Variants in AGBL4 observed in about 807,000 individuals in gnomAD.
The protein encoded by AGBL4 is cytosolic carboxypeptidase 6.
AGBL4 carries 58 observed loss-of-function variants against 66.4 expected under a neutral mutation model. The observed-to-expected ratio is 0.87, with a 90% confidence interval of 0.71 to 1.09. The LOEUF (loss-of-function observed/expected upper bound fraction) is 1.09. Ranked by LOEUF, AGBL4 falls within the 50% of genes least tolerant of loss-of-function variation. AGBL4 has a pLI of 0.00. For synonymous variants in AGBL4, 234 were observed against 222.9 expected (o/e 1.05, Z -0.44); for missense variants, 579 against 631.0 (o/e 0.92, Z 0.88).
At chr1:49,943,999 T>C (rs998332757) in intron 1 of AGBL4, among the ~76,000 whole-genome samples, 2 of 151,918 alleles carry the variant, frequency 1.3e-5, no homozygotes, top group Admixed American at 1.3e-4. Context: ...CATAACTCCA[T>C]AGACCTGGGA....
chr1:48,992,645 A>C (rs1249814173), intron 5 of AGBL4, among the ~76,000 whole-genome samples: 4 of 152,014 alleles, frequency 2.6e-5, no homozygotes, highest in Admixed American at 2.6e-4. Flanking sequence ...GATATCTTAG[A>C]AATCTACTTG....
rs182818381 is a variant in AGBL4, at chr1:49,942,597, C to T, written c.34+81166G>A. Among the ~76,000 whole-genome samples, 151 of 152,198 alleles carry T rather than the reference C, an allele frequency of 9.9e-4. 1 individual carries two copies. The highest frequency in any genetic ancestry group is 1.3e-3 in the Non-Finnish European group (90 of 67,972). ...TACCATAATAAAATAACAGTTTCTT[C>T]AATAAATAGTGTTGGAAAGATTGTC... On this transcript the variant is annotated intron_variant, in intron 1 of 13. Transcript: ENST00000371839.
intron 3 of AGBL4, among the ~76,000 whole-genome samples, chr1:49,509,710 T>C (rs866022082): frequency 2.6e-5 from 4 of 152,014 alleles, no homozygotes; most frequent in Admixed American, 6.6e-5. Flanking sequence ...CTGCCTTAAA[T>C]TGAATCTCAA....
At chr1:49,775,525 G>T (rs1410635372) in intron 2 of AGBL4, among the ~76,000 whole-genome samples, 1 of 151,638 alleles carries the variant, frequency 6.6e-6, no homozygotes, top group African/African-American at 2.4e-5. Flanking sequence ...TATTTATTTT[G>T]ACATTTTTAA....
At chr1:49,455,960 C>T (rs933035638) in intron 3 of AGBL4, among the ~76,000 whole-genome samples, 2 of 151,800 alleles carry the variant, frequency 1.3e-5, no homozygotes, top group South Asian at 2.1e-4. Context: ...CTTTTCTTTG[C>T]AGCATTGTCT....
chr1:49,846,245 T>A, intron 2 of AGBL4: 1 of 1,462,882 alleles, frequency 6.8e-7, no homozygotes, highest in South Asian at 1.1e-5. Flanking sequence ...GCCTTATGAG[T>A]GTCACGATTG....
chr1:48,648,840 T>C (rs115625057), intron 8 of AGBL4, among the ~76,000 whole-genome samples: 21 of 152,332 alleles, frequency 1.4e-4, no homozygotes, highest in Non-Finnish European at 2.6e-4. Context: ...GGTTAAAGCA[T>C]AGCAGTGTTC....
intron 3 of AGBL4, among the ~76,000 whole-genome samples, chr1:49,542,914 A>AAAAC (rs1558035599): frequency 4.0e-5 from 6 of 149,942 alleles, no homozygotes; most frequent in African/African-American, 1.5e-4. Flanking sequence ...AAAAAAAAAA[A>AAAAC]AAAAAAAAAA....
intron 2 of AGBL4, among the ~76,000 whole-genome samples, chr1:49,843,671 T>G (rs1335197077): frequency 6.6e-6 from 1 of 152,186 alleles, no homozygotes; most frequent in South Asian, 2.1e-4. Context: ...CAATGTTAAT[T>G]CCTCCCTCCC....
rs560419658 is a variant in AGBL4, at chr1:49,935,628, C to G, written c.35-84110G>C. Among the ~76,000 whole-genome samples, 26 of 152,262 alleles carry G rather than the reference C, an allele frequency of 1.7e-4. 2 individuals carry two copies. The South Asian group carries it at 5.4e-3, about 32-fold the overall frequency. On this transcript the variant is annotated intron_variant, in intron 1 of 13. Coordinates refer to ENST00000371839, the MANE Select transcript of AGBL4 (RefSeq NM_032785.4). ...ACACCTCACATGGCCGGGTACTCCT[C>G]TGAGACAAAACTTCCACAGGAACTA...
At chr1:49,169,742 C>T (rs1301676131) in intron 4 of AGBL4, among the ~76,000 whole-genome samples, 1 of 152,092 alleles carries the variant, frequency 6.6e-6, no homozygotes, top group Non-Finnish European at 1.5e-5. Context: ...ATCCATACGC[C>T]AAGCCTATAA....
intron 5 of AGBL4, among the ~76,000 whole-genome samples, chr1:48,910,572 C>T (rs1338662590): frequency 1.3e-5 from 2 of 152,024 alleles, no homozygotes; most frequent in Non-Finnish European, 2.9e-5. Context: ...ACAGTCAGCT[C>T]GCAACCAAAT....
At chr1:49,904,702 T>C (rs1433048159) in intron 1 of AGBL4, among the ~76,000 whole-genome samples, 2 of 152,214 alleles carry the variant, frequency 1.3e-5, no homozygotes, top group Non-Finnish European at 2.9e-5. Flanking sequence ...TTCAAGAACA[T>C]TGCATTTTTA....
chr1:49,447,802 T>G (rs1196839478), intron 3 of AGBL4, among the ~76,000 whole-genome samples: 2 of 152,208 alleles, frequency 1.3e-5, no homozygotes, highest in Non-Finnish European at 2.9e-5. Context: ...CTTCTCCTTC[T>G]TTGCCTCAGG....
intron 1 of AGBL4, among the ~76,000 whole-genome samples, chr1:50,000,294 A>C (rs1660653057): frequency 6.6e-6 from 1 of 152,250 alleles, no homozygotes; most frequent in Non-Finnish European, 1.5e-5. Context: ...GAAGATATAC[A>C]TACCACCAAT....
At chr1:49,653,817 G>A (rs1389588828) in intron 3 of AGBL4, among the ~76,000 whole-genome samples, 1 of 151,676 alleles carries the variant, frequency 6.6e-6, no homozygotes, top group African/African-American at 2.4e-5. Flanking sequence ...AGAACTATGG[G>A]ATTATATAAA....
intron 2 of AGBL4, among the ~76,000 whole-genome samples, chr1:49,769,218 A>C (rs994673447): frequency 6.7e-5 from 10 of 148,670 alleles, no homozygotes; most frequent in African/African-American, 2.2e-4. Context: ...TGTAATAGCC[A>C]CACACACACA....
chr1:49,780,515 C>A (rs1644311438), intron 2 of AGBL4, among the ~76,000 whole-genome samples: 1 of 151,810 alleles, frequency 6.6e-6, no homozygotes, highest in Non-Finnish European at 1.5e-5. Flanking sequence ...CATAGAATTA[C>A]ATAAAATAAT....
rs183482059 is a variant in AGBL4 at position 49,224,771 on chromosome 1, A to G, written c.377+20999T>C. On this transcript the variant is annotated intron_variant, in intron 4 of 13. Transcript: ENST00000371839. ...CCAAAGGTAGAGAGACAAGTCAGAC[A>G]CAGTCTCTACTCTTTAGGGATTCAC... 4.0e-4 allele frequency among the ~76,000 whole-genome samples: 61 copies of G among 152,306 alleles called. 1 individual carries two copies. Among genetic ancestry groups the G allele is most frequent in the African/African-American group, 1.4e-3 (58 of 41,556 alleles).
Sources: allele counts gnomAD v4.1 joint callset (sites outside exome capture counted in the v4.1 genomes callset), GRCh38; gene constraint gnomAD v4.1.1; transcripts MANE v1.5; gene names NCBI Gene and HGNC (gene_info 2026-07-23, HGNC 2026-07-21).